The following JMJD1C variants were observed in gnomAD, a reference collection of about 807,000 sequenced individuals.
JMJD1C encodes the protein jumonji domain containing 1C, also known as jumonji domain-containing protein 1C.
JMJD1C carries 31 observed loss-of-function variants against 245.3 expected under a neutral mutation model. The observed-to-expected ratio is 0.13, with a 90% CI of 0.09 to 0.17. The LOEUF is 0.17. Ranked by LOEUF, JMJD1C falls within the 10% of genes least tolerant of loss-of-function variation. The pLI, the probability that JMJD1C is intolerant of heterozygous loss-of-function variation, is 1.00. For missense variants in JMJD1C, 2,691 were observed against 3,000.2 expected, an observed-to-expected ratio of 0.90 and a Z score of 2.41; for synonymous variants, 1,057 against 1,017.4, an observed-to-expected ratio of 1.04 and a Z score of -0.74.
intron 2 of JMJD1C, among the ~76,000 whole-genome samples, chr10:63,336,189 T>C (rs986100174): frequency 2.7e-5 from 4 of 150,820 alleles, no homozygotes; most frequent in African/African-American, 7.3e-5. Flanking sequence ...ACCCTTAAAA[T>C]TGTATTAACC....
At chr10:63,277,163 G>A (rs1856867095) in intron 2 of JMJD1C, among the ~76,000 whole-genome samples, 1 of 151,830 alleles carries the variant, frequency 6.6e-6, no homozygotes, top group Non-Finnish European at 1.5e-5. Context: ...TTACAGGCAT[G>A]AGCCACCGTG....
intron 4 of JMJD1C, 129 bp downstream of exon 4, chr10:63,219,749 T>C: frequency 3.6e-6 from 2 of 548,516 alleles, no homozygotes; most frequent in Admixed American, 3.0e-5. Flanking sequence ...ATTATTTTCC[T>C]GGATGTATAT....
At chr10:63,518,562 A>T (rs1344510623) in intron 1 of JMJD1C, among the ~76,000 whole-genome samples, 1 of 152,230 alleles carries the variant, frequency 6.6e-6, no homozygotes, top group Non-Finnish European at 1.5e-5. Context: ...AGTTGTGAAC[A>T]AAACAATCTT....
At chr10:63,373,051 T>A in intron 2 of JMJD1C, 1 of 189,384 alleles carries the variant, frequency 5.3e-6, no homozygotes, top group Non-Finnish European at 1.3e-5. Context: ...AGGTAGGTGA[T>A]TCGTTGATTT....
At chr10:63,446,219 T>A (rs535597642) in intron 1 of JMJD1C, among the ~76,000 whole-genome samples, 1 of 152,174 alleles carries the variant, frequency 6.6e-6, no homozygotes, top group Admixed American at 6.5e-5. Flanking sequence ...CAAGACTTTC[T>A]TGACAGTTTG....
At chr10:63,272,115 T>C (rs1589353591) in intron 2 of JMJD1C, among the ~76,000 whole-genome samples, 1 of 151,640 alleles carries the variant, frequency 6.6e-6, no homozygotes, top group Admixed American at 6.6e-5. Flanking sequence ...CGAAAAGATA[T>C]TTTCAATTTA....
rs190818834 is a variant in JMJD1C, at chr10:63,500,234, T to A, written n.113+21504A>T. On this transcript the variant is annotated intron_variant and non_coding_transcript_variant, in intron 1 of 3. Transcript: ENST00000633035. ...CCCAGAAGTTCGAGACCAGCTTGGGTAACATGGTGATACCCCATCTCTACA... is the reference window on the plus strand; with the variant it reads ...CCCAGAAGTTCGAGACCAGCTTGGGAAACATGGTGATACCCCATCTCTACA... 2.6e-3 allele frequency among the ~76,000 whole-genome samples: 392 copies of A among 151,520 alleles called. 5 individuals are homozygous for A. The highest frequency in any genetic ancestry group is 4.2e-3 in the Non-Finnish European group (282 of 67,804).
upstream of JMJD1C, among the ~76,000 whole-genome samples, chr10:63,469,436 T>C (rs965700614): frequency 6.6e-5 from 10 of 152,204 alleles, no homozygotes; most frequent in East Asian, 9.6e-4. Flanking sequence ...TTAACTATTA[T>C]ACTAAAAAGT....
At chr10:63,231,853 T>C (rs1850053034) in intron 3 of JMJD1C, among the ~76,000 whole-genome samples, 1 of 152,176 alleles carries the variant, frequency 6.6e-6, no homozygotes, top group Non-Finnish European at 1.5e-5. Flanking sequence ...CTTTTTTTCC[T>C]CTAGACAGAG....
intron 1 of JMJD1C, among the ~76,000 whole-genome samples, chr10:63,425,122 A>C (rs1029241006): frequency 6.6e-6 from 1 of 152,176 alleles, no homozygotes; most frequent in Admixed American, 6.5e-5. Flanking sequence ...ATTTTCTGGG[A>C]AAAAAATAAA....
intron 2 of JMJD1C, among the ~76,000 whole-genome samples, chr10:63,275,418 T>C (rs957706535): frequency 6.6e-5 from 10 of 152,346 alleles, no homozygotes; most frequent in African/African-American, 2.2e-4. Context: ...TTTATGTATT[T>C]TTAATTTGCT....
intron 2 of JMJD1C, among the ~76,000 whole-genome samples, chr10:63,288,531 A>G (rs1445449351): frequency 1.3e-5 from 2 of 152,184 alleles, no homozygotes; most frequent in African/African-American, 4.8e-5. Flanking sequence ...GCTGTATCTT[A>G]TGGTCTAATC....
chr10:63,252,075 C>T (rs1303084993), intron 3 of JMJD1C, among the ~76,000 whole-genome samples: 1 of 152,168 alleles, frequency 6.6e-6, no homozygotes, highest in Non-Finnish European at 1.5e-5. Flanking sequence ...ATCCCAATGG[C>T]TCTAAATAAA....
In JMJD1C at chr10:63,214,536, G is replaced by A. The variant is rs962464389; in HGVS notation, c.1631C>T (p.Ser544Leu). 1.2e-6 allele frequency: 2 copies of A among 1,613,690 alleles called. No homozygotes were observed. Among genetic ancestry groups the A allele is most frequent in the African/African-American group, 2.7e-5 (2 of 74,870 alleles). Residue 544 changes from serine to leucine, a missense_variant, in exon 8 of 26, where the codon TCA (serine) becomes TTA (leucine). Physicochemically the swap from Ser to Leu is moderately radical, Grantham distance 145. Transcript: ENST00000399262. Reference sequence around the variant, plus strand: ...TTTTGCATTTGCAATAGAGTGTTTTGAATCACTAACATTAGGATCCATTTT... The same window carrying A: ...TTTTGCATTTGCAATAGAGTGTTTTAAATCACTAACATTAGGATCCATTTT... Reference protein sequence around the residue: ...LQKMDPNVSDSKHSIANAKFL... With the variant: ...LQKMDPNVSDLKHSIANAKFL...
chr10:63,212,778 T>TC (rs1847515301), intron 8 of JMJD1C, among the ~76,000 whole-genome samples: 1 of 151,846 alleles, frequency 6.6e-6, no homozygotes, highest in Non-Finnish European at 1.5e-5. Flanking sequence ...TATAAAAATT[T>TC]TAGAAATTTC....
At chr10:63,183,640 C>T in intron 21 of JMJD1C, 71 bp from the exon 22 acceptor site, 1 of 880,308 alleles carries the variant, frequency 1.1e-6, no homozygotes, top group Non-Finnish European at 1.7e-6. Context: ...GATATTCCCC[C>T]AAATTAGCTC....
rs76175841 is a variant in JMJD1C at position 63,441,652 on chromosome 10, A to T, written c.168+23843T>A. Among the ~76,000 whole-genome samples, 1,234 of 152,094 alleles carry T rather than the reference A, an allele frequency of 8.1e-3. 5 individuals are homozygous for T. Among genetic ancestry groups the T allele is most frequent in the Middle Eastern group, 0.045 (13 of 292 alleles). On this transcript the variant is annotated intron_variant, in intron 1 of 25. Transcript: ENST00000399262. ...TCTCAGTTTTCCTTTTCCAAGCATC[A>T]CCCAGTTTTCAACAAAATCACATCA... is the stretch of plus-strand genomic sequence containing the variant.
intron 1 of JMJD1C, among the ~76,000 whole-genome samples, chr10:63,511,224 GC>G (rs1240391714): frequency 1.3e-5 from 2 of 152,164 alleles, no homozygotes; most frequent in Non-Finnish European, 2.9e-5. Context: ...TCTGTGTGTG[GC>G]CCCTGTTCTT....
chr10:63,388,034 A>G (rs1947767653), intron 1 of JMJD1C, among the ~76,000 whole-genome samples: 1 of 152,160 alleles, frequency 6.6e-6, no homozygotes, highest in South Asian at 2.1e-4. Flanking sequence ...GTGTTTGAGG[A>G]GGCAACAAGA....
Sources: allele counts gnomAD v4.1 joint callset (sites outside exome capture counted in the v4.1 genomes callset), GRCh38; gene constraint gnomAD v4.1.1; transcripts MANE v1.5; gene names NCBI Gene and HGNC (gene_info 2026-07-23, HGNC 2026-07-21).